The following OSBPL9 variants were observed in gnomAD, a reference collection of about 807,000 sequenced individuals.
OSBPL9 encodes oxysterol binding protein like 9.
A neutral mutation model predicts 106.6 loss-of-function variants in OSBPL9; 40 were observed. The ratio of observed to expected loss-of-function variants is 0.38; its 90% CI spans 0.29 to 0.49. The LOEUF (loss-of-function observed/expected upper bound fraction) is 0.49. OSBPL9 is among the 20% of genes least tolerant of loss of function. The pLI, the probability that OSBPL9 is intolerant of heterozygous loss-of-function variation, is 0.97. For synonymous variants in OSBPL9, 269 were observed against 295.4 expected (o/e 0.91, Z 0.92); for missense variants, 609 against 887.2 (o/e 0.69, Z 3.98).
chr1:51,609,643 T>A (rs1643972693), intron 2 of OSBPL9, among the ~76,000 whole-genome samples: 1 of 150,992 alleles, frequency 6.6e-6, no homozygotes, highest in South Asian at 2.1e-4. Context: ...GAACCACCAC[T>A]CCTGGCCAGC....
chr1:51,620,304 C>G (rs1254973418), intron 1 of OSBPL9, among the ~76,000 whole-genome samples: 4 of 152,070 alleles, frequency 2.6e-5, no homozygotes, highest in East Asian at 3.9e-4. Flanking sequence ...GAGTTTGTGC[C>G]TTTTGTTAAT....
intron 4 of OSBPL9, among the ~76,000 whole-genome samples, chr1:51,715,608 C>A (rs747503527): frequency 6.6e-6 from 1 of 152,102 alleles, no homozygotes; most frequent in Non-Finnish European, 1.5e-5. Flanking sequence ...TTTTAGTGAT[C>A]ATATTAGACT....
At chr1:51,618,421 A>G (rs1251677182) in intron 1 of OSBPL9, among the ~76,000 whole-genome samples, 1 of 152,160 alleles carries the variant, frequency 6.6e-6, no homozygotes, top group Admixed American at 6.5e-5. Context: ...CTTTCTCTGA[A>G]TGGTGTATAG....
At chr1:51,674,566 C>T (rs762175636) in intron 3 of OSBPL9, among the ~76,000 whole-genome samples, 2 of 152,146 alleles carry the variant, frequency 1.3e-5, no homozygotes, top group African/African-American at 2.4e-5. Flanking sequence ...GATTTGTGAT[C>T]GTCAGCATAC....
chr1:51,578,861 TAGAA>T (rs946848379), intron 1 of OSBPL9, among the ~76,000 whole-genome samples: 45 of 152,240 alleles, frequency 3.0e-4, no homozygotes, highest in African/African-American at 1.1e-3. Flanking sequence ...AGGGTAGTGA[TAGAA>T]AGCACAGGGC....
intron 3 of OSBPL9, among the ~76,000 whole-genome samples, chr1:51,701,982 AT>A (rs1327134790): frequency 6.6e-6 from 1 of 152,022 alleles, no homozygotes; most frequent in East Asian, 1.9e-4. Flanking sequence ...TGAACTCATC[AT>A]TTTTTATGGC....
chr1:51,527,134 A>T, the OSBPL9 span, among the ~76,000 whole-genome samples: 80 of 152,332 alleles, frequency 5.3e-4, 1 homozygote, highest in South Asian at 0.016. Context: ...CAAATTTGAC[A>T]TTGAATCAAG....
chr1:51,559,064 G>A, the OSBPL9 span, among the ~76,000 whole-genome samples: 1 of 152,192 alleles, frequency 6.6e-6, no homozygotes, highest in Non-Finnish European at 1.5e-5. Context: ...TCAGAACAGG[G>A]AACAGGAGGG....
At chr1:51,634,553 C>T (rs571153328) in intron 1 of OSBPL9, among the ~76,000 whole-genome samples, 5 of 152,228 alleles carry the variant, frequency 3.3e-5, no homozygotes, top group East Asian at 1.9e-4. Context: ...AATTTATTCA[C>T]GTGCATAAGC....
chr1:51,618,263 C>T (rs1315849017), intron 1 of OSBPL9, among the ~76,000 whole-genome samples: 1 of 152,134 alleles, frequency 6.6e-6, no homozygotes, highest in East Asian at 1.9e-4. Flanking sequence ...AGGTGATCCA[C>T]CCGCCTCGGC....
chr1:51,746,766 C>T lies in OSBPL9; in HGVS notation c.462+9C>T, dbSNP rs1178698058. ...AAGATGAACAGAGAAAGGTAACTTC[C>T]ATAACCGTGCTTTTGACGTTAAAAA... On this transcript the variant is annotated intron_variant, in intron 6 of 23. Coordinates refer to ENST00000428468, the MANE Select transcript of OSBPL9 (RefSeq NM_024586.6). 14 of 1,599,634 alleles carry T rather than the reference C, an allele frequency of 8.8e-6. No individual in the cohort carries two copies. The highest frequency in any genetic ancestry group is 1.0e-5 in the Non-Finnish European group (12 of 1,173,332).
chr1:51,581,066 C>T (rs1260380096), intron 1 of OSBPL9, among the ~76,000 whole-genome samples: 4 of 147,164 alleles, frequency 2.7e-5, no homozygotes, highest in African/African-American at 7.5e-5. Flanking sequence ...ACCTCAGGCA[C>T]GTGCCACCAT....
the OSBPL9 span, among the ~76,000 whole-genome samples, chr1:51,539,549 AAAT>A: frequency 3.3e-5 from 5 of 152,152 alleles, no homozygotes; most frequent in African/African-American, 1.2e-4. Flanking sequence ...TCTAAAAACA[AAAT>A]AATAATACGA....
At chr1:51,778,869 G>A (rs1436275168) in intron 15 of OSBPL9, among the ~76,000 whole-genome samples, 1 of 152,132 alleles carries the variant, frequency 6.6e-6, no homozygotes, top group Non-Finnish European at 1.5e-5. Flanking sequence ...TGTTTATCAA[G>A]ATAGAACATA....
At chr1:51,622,713 G>C (rs1286410049) in intron 1 of OSBPL9, among the ~76,000 whole-genome samples, 1 of 152,220 alleles carries the variant, frequency 6.6e-6, no homozygotes, top group Non-Finnish European at 1.5e-5. Flanking sequence ...CATCATGACA[G>C]AGCAGCTGGC....
chr1:51,669,608 A>G (rs760503293), intron 3 of OSBPL9, 96 bp downstream of exon 3: 18 of 1,174,344 alleles, frequency 1.5e-5, no homozygotes, highest in African/African-American at 3.1e-5. Context: ...TGGTTTTGCA[A>G]CTGATCCTGC....
At chr1:51,743,440 T>C (rs560112419) in intron 4 of OSBPL9, among the ~76,000 whole-genome samples, 1 of 152,300 alleles carries the variant, frequency 6.6e-6, no homozygotes, top group South Asian at 2.1e-4. Flanking sequence ...TTAAATCTGT[T>C]TCCATTCAGT....
intron 3 of OSBPL9, among the ~76,000 whole-genome samples, chr1:51,703,781 A>G (rs561003167): frequency 6.6e-6 from 1 of 152,322 alleles, no homozygotes; most frequent in African/African-American, 2.4e-5. Flanking sequence ...TGGGTTTGTC[A>G]TAGATCTTAC....
chr1:51,621,608 T>C (rs1644443617), intron 1 of OSBPL9, among the ~76,000 whole-genome samples: 1 of 152,158 alleles, frequency 6.6e-6, no homozygotes, highest in East Asian at 1.9e-4. Context: ...ATATCAAATA[T>C]CCAGTCTGTT....
Sources: allele counts gnomAD v4.1 joint callset (sites outside exome capture counted in the v4.1 genomes callset), GRCh38; gene constraint gnomAD v4.1.1; transcripts MANE v1.5; gene names NCBI Gene and HGNC (gene_info 2026-07-23, HGNC 2026-07-21).